The following DMTF1 variants were observed in gnomAD, a reference collection of about 807,000 sequenced individuals.
The protein encoded by DMTF1 is cyclin D binding myb like transcription factor 1.
DMTF1 carries 39 observed loss-of-function variants against 91.1 expected under a neutral mutation model. The ratio of observed to expected loss-of-function variants is 0.43; its 90% CI spans 0.33 to 0.56. The LOEUF (loss-of-function observed/expected upper bound fraction) is 0.56. Among genes scored for constraint, DMTF1 ranks in the 20% least tolerant of loss-of-function variants. The probability of loss-of-function intolerance (pLI) is 0.05; values close to 1 mark genes in which losing one functional copy is unlikely to be tolerated. For missense variants in DMTF1, 750 were observed against 914.5 expected, an observed-to-expected ratio of 0.82 and a Z score of 2.32; for synonymous variants, 338 against 309.5, an observed-to-expected ratio of 1.09 and a Z score of -0.97.
chr7:87,186,923 T>G (rs1243719264), intron 12 of DMTF1: 2 of 152,180 alleles, frequency 1.3e-5, no homozygotes, highest in Non-Finnish European at 2.9e-5. Flanking sequence ...TAAGTCAACT[T>G]TTGTGAGTTG....
intron 1 of DMTF1, chr7:87,163,174 G>A (rs1792933179): frequency 6.6e-6 from 1 of 150,462 alleles, no homozygotes; most frequent in African/African-American, 2.4e-5. Flanking sequence ...TTACATAATG[G>A]TACCACAGTC....
intron 11 of DMTF1, 92 bp downstream of exon 11, chr7:87,184,717 G>C (rs1798034725): frequency 9.1e-7 from 1 of 1,093,206 alleles, no homozygotes; most frequent in Non-Finnish European, 1.4e-6. Flanking sequence ...TGGATGCCTA[G>C]TGTCTGAAAA....
chr7:87,193,070 C>T (rs1299658624), intron 14 of DMTF1, 128 bp from the exon 15 acceptor site: 3 of 895,106 alleles, frequency 3.4e-6, no homozygotes, highest in Non-Finnish European at 3.4e-6. Flanking sequence ...TTATGCCCTA[C>T]ATTGTATTAC....
intron 1 of DMTF1, among the ~76,000 whole-genome samples, chr7:87,157,536 T>C (rs1479225645): frequency 2.0e-5 from 3 of 152,074 alleles, no homozygotes; most frequent in African/African-American, 7.2e-5. Context: ...ATTCAACACT[T>C]AAATGCCCAG....
intron 16 of DMTF1, 141 bp from the exon 17 acceptor site, chr7:87,194,543 C>G (rs1800768298): frequency 1.1e-5 from 7 of 614,160 alleles, no homozygotes; most frequent in Admixed American, 1.0e-4. Context: ...TCTTTTGTCC[C>G]TGTGAGACCT....
At chr7:87,157,900 C>G (rs1434369263) in intron 1 of DMTF1, among the ~76,000 whole-genome samples, 2 of 151,690 alleles carry the variant, frequency 1.3e-5, no homozygotes, top group African/African-American at 4.8e-5. Flanking sequence ...ACAACATGTA[C>G]AAACCTGCAA....
At chr7:87,182,975 C>T (rs980587192) in intron 10 of DMTF1, among the ~76,000 whole-genome samples, 2 of 151,974 alleles carry the variant, frequency 1.3e-5, no homozygotes, top group Non-Finnish European at 2.9e-5. Context: ...TTTAACCTTT[C>T]TGAGCCTCAC....
intron 15 of DMTF1, 65 bp from the exon 16 acceptor site, chr7:87,193,660 C>T: frequency 5.0e-6 from 7 of 1,394,764 alleles, no homozygotes; most frequent in Non-Finnish European, 5.9e-6. Context: ...TGGGGGGAGA[C>T]AGTGAGGTAC....
In DMTF1 at chr7:87,172,993, G is replaced by A. The variant is rs552016091; in HGVS notation, c.328-542G>A. Among the ~76,000 whole-genome samples, 41 of 152,314 alleles carry A rather than the reference G, an allele frequency of 2.7e-4. 1 individual carries two copies. The South Asian group carries it at 7.2e-3, about 27-fold the overall frequency. On this transcript the variant is annotated intron_variant, in intron 5 of 17. Coordinates refer to ENST00000331242, the MANE Select transcript of DMTF1 (RefSeq NM_001142327.2). The stretch of plus-strand genomic sequence containing the variant: ...GTTGTCAGAAAACAATAAGCGGACA[G>A]TGATTTTGCAATAATGACTTATGAT...
At chr7:87,193,700 T>G in intron 15 of DMTF1, 25 bp from the exon 16 acceptor site, 1 of 1,559,566 alleles carries the variant, frequency 6.4e-7, no homozygotes, top group African/African-American at 1.4e-5. Context: ...TTTACAACTT[T>G]AACAGGTTCT....
chr7:87,193,420 A>G (rs1800364670), intron 15 of DMTF1, 67 bp downstream of exon 15: 2 of 1,511,694 alleles, frequency 1.3e-6, no homozygotes, highest in African/African-American at 1.4e-5. Context: ...ATAAGGACCA[A>G]AATAGAAGGT....
chr7:87,187,756 A>G (rs1798784270), intron 12 of DMTF1: 2 of 282,686 alleles, frequency 7.1e-6, no homozygotes, highest in African/African-American at 4.5e-5. Context: ...GCTGTTTAGC[A>G]TTGCCAGTAT....
Position 87,195,920 on chromosome 7 carries a change from A to G in DMTF1, c.*780A>G, listed in dbSNP as rs188921888. 6.6e-6 allele frequency: 1 copy of G among 152,608 alleles called. No individual in the cohort carries two copies. The highest frequency in any genetic ancestry group is 2.4e-5 in the African/African-American group (1 of 41,536). The allele number at this position is 152,608 out of a possible 1,614,324, so 9.5% of individuals were successfully genotyped here. A position where few individuals can be genotyped will look rare whatever the true frequency, so the allele number is the denominator to read the frequency against. On this transcript the variant is annotated 3_prime_UTR_variant, in exon 18 of 18. Transcript: ENST00000331242. ...CCTATCCTTGATACCATGACCATTT[A>G]TTAGATGTTTTGCTATATAAATTAC...
intron 7 of DMTF1, among the ~76,000 whole-genome samples, chr7:87,176,011 T>G (rs904441795): frequency 6.6e-6 from 1 of 152,204 alleles, no homozygotes; most frequent in Admixed American, 6.5e-5. Context: ...TAGTGTTATG[T>G]CTAAAATGTA....
At chr7:87,167,795 CTA>C (rs1289660752) in intron 4 of DMTF1, among the ~76,000 whole-genome samples, 3 of 152,116 alleles carry the variant, frequency 2.0e-5, no homozygotes, top group African/African-American at 7.2e-5. Context: ...CCTAATTTGA[CTA>C]TCATTATGTT....
chr7:87,164,078 A>T (rs1286802905), intron 2 of DMTF1, among the ~76,000 whole-genome samples: 1 of 126,274 alleles, frequency 7.9e-6, no homozygotes, highest in Non-Finnish European at 1.7e-5. Flanking sequence ...AAAAAAAAAA[A>T]GCTTAATAAA....
chr7:87,170,327 G>A (rs1426998941), intron 4 of DMTF1, among the ~76,000 whole-genome samples: 2 of 152,090 alleles, frequency 1.3e-5, no homozygotes, highest in East Asian at 3.8e-4. Flanking sequence ...GCCAGAGTGA[G>A]CCTCTTAAAA....
intron 10 of DMTF1, 38 bp downstream of exon 10, chr7:87,182,375 A>G (rs765841957): frequency 1.2e-6 from 2 of 1,603,564 alleles, no homozygotes; most frequent in South Asian, 2.2e-5. Context: ...TCTTGTCACC[A>G]CTTAAGCCTC....
chr7:87,192,097 G>T (rs1200377904), intron 14 of DMTF1, among the ~76,000 whole-genome samples: 1 of 151,988 alleles, frequency 6.6e-6, no homozygotes, highest in East Asian at 1.9e-4. Flanking sequence ...CATTCCCCTG[G>T]TAAACAATAT....
Sources: gnomAD v4.1 joint callset for allele counts (sites outside exome capture counted in the v4.1 genomes callset) on GRCh38, gnomAD v4.1.1 for gene constraint, MANE v1.5 for transcripts, NCBI Gene and HGNC (gene_info 2026-07-23, HGNC 2026-07-21) for gene names.